Variants in CLOCK observed in about 807,000 individuals in gnomAD.
The protein encoded by CLOCK is clock circadian regulator, also known as circadian locomoter output cycles protein kaput.
Under a neutral mutation model 118.4 loss-of-function variants are expected in CLOCK, and 43 were observed. That is an observed-to-expected ratio of 0.36 (90% CI 0.28 to 0.47). CLOCK has a LOEUF of 0.47. Ranked by LOEUF, CLOCK falls within the 20% of genes least tolerant of loss-of-function variation. CLOCK has a pLI of 1.00. For synonymous variants in CLOCK, 326 were observed against 339.2 expected, an observed-to-expected ratio of 0.96 and a Z score of 0.43; for missense variants, 846 against 999.9, an observed-to-expected ratio of 0.85 and a Z score of 2.08.
At chr4:55,538,998 A>G (rs778017399) in intron 1 of CLOCK, among the ~76,000 whole-genome samples, 6 of 152,112 alleles carry the variant, frequency 3.9e-5, no homozygotes, top group Non-Finnish European at 8.8e-5. Flanking sequence ...TTGGGAGGCC[A>G]AGGTGGGCAG....
At chr4:55,514,102 A>AT (rs1188277508) in intron 1 of CLOCK, among the ~76,000 whole-genome samples, 2 of 151,934 alleles carry the variant, frequency 1.3e-5, no homozygotes, top group Admixed American at 1.3e-4. Flanking sequence ...ATTTCTTTTC[A>AT]TTTTTTTATC....
intron 6 of CLOCK, among the ~76,000 whole-genome samples, chr4:55,478,610 C>A (rs542772393): frequency 6.6e-6 from 1 of 152,134 alleles, no homozygotes; most frequent in Admixed American, 6.6e-5. Context: ...AGGACTGTTA[C>A]CCTGCATCAT....
chr4:55,510,223 A>C (rs1242508919), intron 1 of CLOCK, among the ~76,000 whole-genome samples, 158 bp from the exon 2 acceptor site: 3 of 152,370 alleles, frequency 2.0e-5, no homozygotes, highest in Non-Finnish European at 4.4e-5. Flanking sequence ...AGATCTCATC[A>C]ACCCCTCTGG....
chr4:55,493,471 C>T (rs923374990), intron 2 of CLOCK, among the ~76,000 whole-genome samples: 1 of 152,126 alleles, frequency 6.6e-6, no homozygotes, highest in Non-Finnish European at 1.5e-5. Context: ...AGGAACAAAC[C>T]TTAACTACTT....
intron 1 of CLOCK, among the ~76,000 whole-genome samples, chr4:55,538,291 AAAAC>A (rs1179055866): frequency 6.6e-6 from 1 of 152,220 alleles, no homozygotes; most frequent in Non-Finnish European, 1.5e-5. Context: ...AACCAACAGA[AAAAC>A]AAACAAGATA....
At chr4:55,472,170 AGAG>A (rs1473545807) in intron 7 of CLOCK, among the ~76,000 whole-genome samples, 4 of 152,258 alleles carry the variant, frequency 2.6e-5, no homozygotes, top group African/African-American at 9.6e-5. Context: ...GACAAAGTGA[AGAG>A]GAGAGGAATG....
At chr4:55,450,348 A>G (rs776589859) in intron 15 of CLOCK, 116 bp from the exon 16 acceptor site, 1 of 1,128,054 alleles carries the variant, frequency 8.9e-7, no homozygotes, top group Non-Finnish European at 1.3e-6. Context: ...AGGCAAAAGT[A>G]CCTGTATGTA....
At chr4:55,510,464 T>C (rs946727791) in intron 1 of CLOCK, among the ~76,000 whole-genome samples, 2 of 151,876 alleles carry the variant, frequency 1.3e-5, no homozygotes, top group Non-Finnish European at 2.9e-5. Context: ...TCGTCCCTAC[T>C]AAAAATACAA....
chr4:55,474,076 T>A (rs1726325094), intron 7 of CLOCK, among the ~76,000 whole-genome samples: 1 of 152,226 alleles, frequency 6.6e-6, no homozygotes, highest in Admixed American at 6.5e-5. Context: ...GAGGAAGGCA[T>A]GTCGAAAACT....
chr4:55,458,834 A>C (rs1725103214), intron 11 of CLOCK, 58 bp downstream of exon 11: 1 of 1,208,876 alleles, frequency 8.3e-7, no homozygotes, highest in African/African-American at 1.5e-5. Flanking sequence ...AGGAAGTTTC[A>C]GGCAGCTCTC....
intron 19 of CLOCK, 38 bp from the exon 20 acceptor site, chr4:55,443,934 G>C (rs760074243): frequency 6.4e-7 from 1 of 1,572,452 alleles, no homozygotes; most frequent in Admixed American, 1.7e-5. Context: ...GAGCTTTGTA[G>C]ATTGAAAAGA....
intron 9 of CLOCK, among the ~76,000 whole-genome samples, chr4:55,462,822 A>G (rs1380676692): frequency 6.8e-6 from 1 of 147,158 alleles, no homozygotes; most frequent in Non-Finnish European, 1.5e-5. Context: ...CACTCTTACC[A>G]AAGTTATAGA....
At chr4:55,447,848 T>C (rs1324170478) in intron 18 of CLOCK, among the ~76,000 whole-genome samples, 1 of 152,218 alleles carries the variant, frequency 6.6e-6, no homozygotes. Context: ...GTATATTTAA[T>C]GCCAAACAAA....
At position 55,435,509 on chromosome 4, in the gene CLOCK, G is replaced by A; in HGVS notation, c.2447C>T (p.Ser816Leu). The change falls in exon 23 of 23, where the codon TCA (serine) becomes TTA (leucine). Residue 816 changes from serine to leucine, a missense_variant. Transcript: ENST00000513440. The part of the protein sequence containing the change: ...FPLQQSTFPQ[S>L]HHQQHQSQQQ... Reference sequence around the variant, plus strand: ...CTGAGACTGATGTTGCTGGTGATGTGACTGAGGGAAGGTGCTCTGTTGTAG... The same window carrying A: ...CTGAGACTGATGTTGCTGGTGATGTAACTGAGGGAAGGTGCTCTGTTGTAG... 1.2e-6 allele frequency: 2 copies of A among 1,614,048 alleles called. No homozygotes were observed. Among genetic ancestry groups the A allele is most frequent in the Non-Finnish European group, 1.7e-6 (2 of 1,179,956 alleles).
Position 55,503,978 on chromosome 4 carries a change from TAAAAAA to T in CLOCK, c.-136+5928_-136+5933del, listed in dbSNP as rs60471915. On this transcript the variant is annotated intron_variant, in intron 2 of 22. Transcript: ENST00000513440. ...ACAGTTTCTATTTGGCAAAAAGAGG[TAAAAAA>T]AAAAAAAAAAAAAAAAAAAGCCGGG... Among the ~76,000 whole-genome samples, 12 of 71,148 alleles carry T rather than the reference TAAAAAA, an allele frequency of 1.7e-4. 1 individual carries two copies. Among genetic ancestry groups the T allele is most frequent in the South Asian group, 7.1e-4 (1 of 1,418 alleles). 46.7% of individuals were successfully genotyped at this position (71,148 alleles called of 152,430 possible).
At chr4:55,444,876 G>A in intron 18 of CLOCK, 91 bp from the exon 19 acceptor site, 2 of 1,309,302 alleles carry the variant, frequency 1.5e-6, no homozygotes, top group South Asian at 1.3e-5. Flanking sequence ...AGTATAACAT[G>A]AGTGAAGGAT....
chr4:55,537,550 C>T (rs4865007), intron 1 of CLOCK, among the ~76,000 whole-genome samples: 51,365 of 151,884 alleles, frequency 0.34, 9,376 homozygotes, highest in East Asian at 0.58. Flanking sequence ...CCTGAGACGT[C>T]GACACTGTGG....
At chr4:55,459,391 G>A (rs1245015683) in intron 9 of CLOCK, 130 bp from the exon 10 acceptor site, 1 of 673,714 alleles carries the variant, frequency 1.5e-6, no homozygotes, top group Non-Finnish European at 2.7e-6. Flanking sequence ...AGTCGTCAAT[G>A]ACATTTAGTT....
At chr4:55,521,406 C>G (rs1239290489) in intron 1 of CLOCK, among the ~76,000 whole-genome samples, 1 of 152,176 alleles carries the variant, frequency 6.6e-6, no homozygotes, top group Non-Finnish European at 1.5e-5. Flanking sequence ...TTAGCAGAGA[C>G]GGGGTTTCAC....
Sources: allele counts gnomAD v4.1 joint callset (sites outside exome capture counted in the v4.1 genomes callset), GRCh38; gene constraint gnomAD v4.1.1; transcripts MANE v1.5; gene names NCBI Gene and HGNC (gene_info 2026-07-23, HGNC 2026-07-21).